SPRYD4: variants seen among roughly 807,000 people sequenced by gnomAD.
The protein encoded by SPRYD4 is SPRY domain-containing protein 4.
SPRYD4 carries 12 observed loss-of-function variants against 16.6 expected under a neutral mutation model. That is an observed-to-expected ratio of 0.72 (90% confidence interval 0.46 to 1.17). The LOEUF (loss-of-function observed/expected upper bound fraction) is 1.17. SPRYD4 is among the 50% of genes most tolerant of loss of function. The pLI, the probability that SPRYD4 is intolerant of heterozygous loss-of-function variation, is 0.00. For synonymous variants in SPRYD4, 98 were observed against 105.4 expected (o/e 0.93, Z 0.43); for missense variants, 260 against 260.2 (o/e 1.00, Z 0.00).
At position 56,478,366 on chromosome 12, in the gene SPRYD4, C is replaced by A; in HGVS notation, c.*8789C>A. 8.0e-7 allele frequency: 1 copy of A among 1,243,956 alleles called. No individual in the cohort carries two copies. Among genetic ancestry groups the A allele is most frequent in the Non-Finnish European group, 1.1e-6 (1 of 873,048 alleles). 77.1% of individuals were successfully genotyped at this position (1,243,956 alleles called of 1,614,324 possible). A position where few individuals can be genotyped will look rare whatever the true frequency, so the allele number is the denominator to read the frequency against. On this transcript the variant is annotated 3_prime_UTR_variant, in exon 2 of 2. Coordinates refer to ENST00000338146, the MANE Select transcript of SPRYD4 (RefSeq NM_207344.4). Reference sequence around the variant, plus strand: ...TTTTAGATAAAAGCTAAAATTCTGTCTTCTATAGGGCAGAGGGGTTCCCTC... The same window carrying A: ...TTTTAGATAAAAGCTAAAATTCTGTATTCTATAGGGCAGAGGGGTTCCCTC...
At chr12:56,468,880 A>C (rs1869108168) in intron 1 of SPRYD4, 159 bp from the exon 2 acceptor site, 1 of 1,064,288 alleles carries the variant, frequency 9.4e-7, no homozygotes. Flanking sequence ...TCCGTGAGCT[A>C]TCCGTAGTAA....
chr12:56,468,633 G>C lies in SPRYD4; in HGVS notation c.42G>C (p.Trp14Cys), dbSNP rs1869099770. 1 of 1,613,962 alleles carries C rather than the reference G, an allele frequency of 6.2e-7. No individual in the cohort carries two copies. The highest frequency in any genetic ancestry group is 1.3e-5 in the African/African-American group (1 of 74,942). Residue 14 changes from tryptophan (W) to cysteine (C), a missense_variant, in exon 1 of 2, where the codon TGG (tryptophan) becomes TGC (cysteine). Physicochemically the swap from Trp to Cys is radical, Grantham distance 215. Transcript: ENST00000338146. ...CACGTTCTTTGCGCTTGTGCCGCTG[G>C]GGAGCCAAACGATTGGGAGTTGCCT... ...LFARSLRLCR[W>C]GAKRLGVAST...
rs987124489 is a variant in SPRYD4, at chr12:56,469,285, G to T, written c.332G>T (p.Arg111Leu). ...GGAGTGGCAGATGTGGACATGTCCC[G>T]GGATAGCTGCATTGGTGTTGATGAT... Reference protein sequence around the residue: ...RIGVADVDMSRDSCIGVDDRS... With the variant: ...RIGVADVDMSLDSCIGVDDRS... Residue 111 changes from arginine to leucine, a missense_variant, in exon 2 of 2, where the codon CGG becomes CTG. Coordinates refer to ENST00000338146, the MANE Select transcript of SPRYD4 (RefSeq NM_207344.4). 7 of 1,614,034 alleles carry T rather than the reference G, an allele frequency of 4.3e-6. No homozygotes were observed. The highest frequency in any genetic ancestry group is 5.9e-6 in the Non-Finnish European group (7 of 1,180,016).
rs1794343692 is a variant in SPRYD4, at chr12:56,471,798, T to C, written c.*2221T>C. 6.2e-7 allele frequency: 1 copy of C among 1,614,012 alleles called. No homozygotes were observed. Among genetic ancestry groups the C allele is most frequent in the South Asian group, 1.1e-5 (1 of 91,074 alleles). On this transcript the variant is annotated 3_prime_UTR_variant, in exon 2 of 2. Coordinates refer to ENST00000338146, the MANE Select transcript of SPRYD4 (RefSeq NM_207344.4). ...CTGTCCTTGGCAAAAGGATTCACTT[T>C]GCAAGCCTCGATCAGGAATTTAACA...
Position 56,472,492 on chromosome 12 carries a change from C to T in SPRYD4, c.*2915C>T. The T allele has an allele frequency of 1.6e-6, 1 of 616,826 alleles. No individual in the cohort carries two copies. Among genetic ancestry groups the T allele is most frequent in the East Asian group, 2.8e-5 (1 of 36,024 alleles). The allele number at this position is 616,826 out of a possible 1,614,324, so 38.2% of individuals were successfully genotyped here. A position where few individuals can be genotyped will look rare whatever the true frequency, so the allele number is the denominator to read the frequency against. ...TGCTCTTAACACTCAATAACAATGGCTAACATTAATTATCATAGAGCAGAC... is the reference window on the plus strand; with the variant it reads ...TGCTCTTAACACTCAATAACAATGGTTAACATTAATTATCATAGAGCAGAC... On this transcript the variant is annotated 3_prime_UTR_variant, in exon 2 of 2. Transcript: ENST00000338146.
In SPRYD4 at chr12:56,474,995, C is replaced by T. The variant is rs372834068; in HGVS notation, c.*5418C>T. On this transcript the variant is annotated 3_prime_UTR_variant, in exon 2 of 2. Coordinates refer to ENST00000338146, the MANE Select transcript of SPRYD4 (RefSeq NM_207344.4). ...GCCCCCAACCCCTACTGCCCTTCCA[C>T]TAGCAGCAGAATTCCCAGGGACTTT... The T allele has an allele frequency of 1.2e-6, 2 of 1,613,960 alleles. No individual in the cohort carries two copies. The highest frequency in any genetic ancestry group is 2.2e-5 in the East Asian group (1 of 44,888).
In SPRYD4 at chr12:56,478,744, G is replaced by A. The variant is rs1565705714; in HGVS notation, c.*9167G>A. 1.7e-5 allele frequency: 5 copies of A among 289,444 alleles called. No homozygotes were observed. Among genetic ancestry groups the A allele is most frequent in the Non-Finnish European group, 2.0e-5 (3 of 152,820 alleles). 17.9% of individuals were successfully genotyped at this position (289,444 alleles called of 1,614,324 possible). On this transcript the variant is annotated 3_prime_UTR_variant, in exon 2 of 2. Transcript: ENST00000338146. The stretch of plus-strand genomic sequence containing the variant: ...GTGGTGGCTCATGCCTGTAATCCCA[G>A]CACTTTGGGAGGCCGAGGTGGGTGG...
chr12:56,475,535 TTCTC>T lies in SPRYD4; in HGVS notation c.*5963_*5966del, dbSNP rs1035416503. 55 of 1,359,532 alleles carry T rather than the reference TTCTC, an allele frequency of 4.0e-5. No homozygotes were observed. The highest frequency in any genetic ancestry group is 3.3e-4 in the African/African-American group (23 of 68,912). The allele number at this position is 1,359,532 out of a possible 1,614,324, so 84.2% of individuals were successfully genotyped here. A position where few individuals can be genotyped will look rare whatever the true frequency, so the allele number is the denominator to read the frequency against. ...CCCCTGGGATTTCTTCCTCCTAAGATTCTCTCTCCCCCATTCCTCTTGTCCCCAT... is the reference window on the plus strand; with the variant it reads ...CCCCTGGGATTTCTTCCTCCTAAGATTCTCCCCCATTCCTCTTGTCCCCAT... On this transcript the variant is annotated 3_prime_UTR_variant, in exon 2 of 2. Coordinates refer to ENST00000338146, the MANE Select transcript of SPRYD4 (RefSeq NM_207344.4).
intron 1 of SPRYD4, 30 bp from the exon 2 acceptor site, chr12:56,469,009 T>C (rs777655484): frequency 6.5e-7 from 1 of 1,534,994 alleles, no homozygotes; most frequent in South Asian, 1.3e-5. Context: ...TAGCCCCTGT[T>C]ATTATCCCGT....
At position 56,475,451 on chromosome 12, in the gene SPRYD4, T is replaced by C. The variant is rs1592275422; in HGVS notation, c.*5874T>C. ...TACTAATTAGAAATGGAACAAATTATTTTACAAGATAAACAAATGTTTATG... is the reference window on the plus strand; with the variant it reads ...TACTAATTAGAAATGGAACAAATTACTTTACAAGATAAACAAATGTTTATG... On this transcript the variant is annotated 3_prime_UTR_variant, in exon 2 of 2. Coordinates refer to ENST00000338146, the MANE Select transcript of SPRYD4 (RefSeq NM_207344.4). The C allele has an allele frequency of 1.4e-6, 1 of 725,770 alleles. No homozygotes were observed. Among genetic ancestry groups the C allele is most frequent in the East Asian group, 2.7e-5 (1 of 37,052 alleles). 45.0% of individuals were successfully genotyped at this position (725,770 alleles called of 1,614,324 possible).
In SPRYD4 at chr12:56,477,882, T is replaced by C. The variant is rs769845535; in HGVS notation, c.*8305T>C. 2 of 1,582,372 alleles carry C rather than the reference T, an allele frequency of 1.3e-6. No individual in the cohort carries two copies. Among genetic ancestry groups the C allele is most frequent in the Non-Finnish European group, 1.7e-6 (2 of 1,161,842 alleles). On this transcript the variant is annotated 3_prime_UTR_variant, in exon 2 of 2. Coordinates refer to ENST00000338146, the MANE Select transcript of SPRYD4 (RefSeq NM_207344.4). ...AAAAGGCTGGGAGATGGGGTGGGGATAAGGAGAAGGGGACAGCTGTAAGTA... is the reference window on the plus strand; with the variant it reads ...AAAAGGCTGGGAGATGGGGTGGGGACAAGGAGAAGGGGACAGCTGTAAGTA...
rs748156706 is a variant in SPRYD4 at position 56,469,514 on chromosome 12, C to T, written c.561C>T (p.Ala187=). 1.2e-5 allele frequency: 19 copies of T among 1,614,016 alleles called. No homozygotes were observed. In the Admixed American group the frequency reaches 3.0e-4, roughly 25 times the overall value. Residue 187 remains alanine (A), a synonymous_variant, in exon 2 of 2, where the codon GCC becomes GCT. Transcript: ENST00000338146. ...QTDFRGPVVP[A]FALWDGELLT... is the part of the protein sequence containing the mutation. ...ATTTCCGGGGTCCAGTGGTGCCTGC[C>T]TTTGCTCTCTGGGATGGGGAGCTGC...
At position 56,478,986 on chromosome 12, in the gene SPRYD4, GAAA is replaced by G. The variant is rs34646954; in HGVS notation, c.*9427_*9429del. The G allele has an allele frequency of 0.06, 79,162 of 1,325,578 alleles. 2 individuals are homozygous for G. The highest frequency in any genetic ancestry group is 0.12 in the South Asian group (7,653 of 66,268). 82.1% of individuals were successfully genotyped at this position (1,325,578 alleles called of 1,614,324 possible). Reference sequence around the variant, plus strand: ...GTGACAGAGCAAAACTCTGTCTCAGGAAAAAAAAAAAAAAAAAAAATCTGGCCC... The same window carrying G: ...GTGACAGAGCAAAACTCTGTCTCAGGAAAAAAAAAAAAAAAAATCTGGCCC... On this transcript the variant is annotated 3_prime_UTR_variant, in exon 2 of 2. Coordinates refer to ENST00000338146, the MANE Select transcript of SPRYD4 (RefSeq NM_207344.4).
rs756913106 is a variant in SPRYD4, at chr12:56,469,111, A to T, written c.158A>T (p.Lys53Ile). ...CTCTTCAGAGATGATACGGGTGTCA[A>T]ATATGGCTTGGTGGGATTGGAGCCC... is the stretch of plus-strand genomic sequence containing the variant. ...LALFRDDTGV[K>I]YGLVGLEPTK... The change falls in exon 2 of 2, where the codon AAA becomes ATA. Residue 53 changes from lysine (K) to isoleucine (I), a missense_variant. Physicochemically the swap from Lys to Ile is moderately radical, Grantham distance 102. Coordinates refer to ENST00000338146, the MANE Select transcript of SPRYD4 (RefSeq NM_207344.4). 13 of 1,613,394 alleles carry T rather than the reference A, an allele frequency of 8.1e-6. No individual in the cohort carries two copies. The highest frequency in any genetic ancestry group is 2.7e-5 in the African/African-American group (2 of 75,004).
rs146654208 is a variant in SPRYD4 at position 56,474,542 on chromosome 12, A to G, written c.*4965A>G. ...AGATGGATAGCAGAGCCAGAAACTC[A>G]CGTGGAAGGCAAACTGGCCAGAGAA... On this transcript the variant is annotated 3_prime_UTR_variant, in exon 2 of 2. Transcript: ENST00000338146. The G allele has an allele frequency of 6.2e-7, 1 of 1,613,808 alleles. No homozygotes were observed. Among genetic ancestry groups the G allele is most frequent in the African/African-American group, 1.3e-5 (1 of 75,040 alleles).
chr12:56,475,289 G>C lies in SPRYD4; in HGVS notation c.*5712G>C, dbSNP rs1409794837. On this transcript the variant is annotated 3_prime_UTR_variant, in exon 2 of 2. Coordinates refer to ENST00000338146, the MANE Select transcript of SPRYD4 (RefSeq NM_207344.4). ...TGAACCTGAGCAAACACTCAGCATA[G>C]TTTTGTTATAAAGTAAACCCAAACC... is the stretch of plus-strand genomic sequence containing the variant. 16 of 1,475,822 alleles carry C rather than the reference G, an allele frequency of 1.1e-5. No individual in the cohort carries two copies. The highest frequency in any genetic ancestry group is 1.4e-5 in the African/African-American group (1 of 71,380). 91.4% of individuals were successfully genotyped at this position (1,475,822 alleles called of 1,614,324 possible). A position where few individuals can be genotyped will look rare whatever the true frequency, so the allele number is the denominator to read the frequency against.
At position 56,478,308 on chromosome 12, in the gene SPRYD4, G is replaced by A. The variant is rs376985234; in HGVS notation, c.*8731G>A. The A allele has an allele frequency of 4.1e-5, 65 of 1,584,190 alleles. No homozygotes were observed. Among genetic ancestry groups the A allele is most frequent in the Non-Finnish European group, 5.3e-5 (61 of 1,153,186 alleles). ...AAAAGGGAGATGGATGTGGAGAAGA[G>A]GAACAGAGTTGAGGTTGAGGGTCAA... On this transcript the variant is annotated 3_prime_UTR_variant, in exon 2 of 2. Coordinates refer to ENST00000338146, the MANE Select transcript of SPRYD4 (RefSeq NM_207344.4).
chr12:56,473,529 T>G lies in SPRYD4; in HGVS notation c.*3952T>G. The G allele has an allele frequency of 2.5e-6, 4 of 1,613,680 alleles. No homozygotes were observed. Among genetic ancestry groups the G allele is most frequent in the Non-Finnish European group, 3.4e-6 (4 of 1,180,022 alleles). ...CCAATGGGGGTGACAGGCACATCAT[T>G]CCCATGACATTGGGTACCACCAGGA... On this transcript the variant is annotated 3_prime_UTR_variant, in exon 2 of 2. Coordinates refer to ENST00000338146, the MANE Select transcript of SPRYD4 (RefSeq NM_207344.4).
Position 56,479,207 on chromosome 12 carries a change from G to T in SPRYD4, c.*9630G>T. 6.2e-7 allele frequency: 1 copy of T among 1,610,346 alleles called. No homozygotes were observed. Among genetic ancestry groups the T allele is most frequent in the South Asian group, 1.1e-5 (1 of 90,958 alleles). ...CTGGATCCCAGACACGATTGGATTA[G>T]GGGGCTAGAGAAATGCAGCTGGGAC... On this transcript the variant is annotated 3_prime_UTR_variant, in exon 2 of 2. Coordinates refer to ENST00000338146, the MANE Select transcript of SPRYD4 (RefSeq NM_207344.4).
Sources: gnomAD v4.1 joint callset for allele counts on GRCh38, gnomAD v4.1.1 for gene constraint, MANE v1.5 for transcripts, NCBI Gene and HGNC (gene_info 2026-07-23, HGNC 2026-07-21) for gene names.